CCND3: variants seen among roughly 807,000 people sequenced by gnomAD.
CCND3 encodes the protein cyclin D3.
CCND3 carries 9 observed loss-of-function variants against 28.7 expected under a neutral mutation model. That is an observed-to-expected ratio of 0.31 (90% CI 0.19 to 0.55). The LOEUF is 0.55. CCND3 is among the 20% of genes least tolerant of loss of function. The pLI is 0.93. For missense variants in CCND3, 315 were observed against 385.8 expected, an observed-to-expected ratio of 0.82 and a Z score of 1.54; for synonymous variants, 164 against 163.9, an observed-to-expected ratio of 1.00 and a Z score of 0.00.
chr6:41,958,815 C>A (rs565343565), intron 1 of CCND3, among the ~76,000 whole-genome samples: 1 of 152,270 alleles, frequency 6.6e-6, no homozygotes, highest in Non-Finnish European at 1.5e-5. Flanking sequence ...CGTCTCAGTT[C>A]GGAAACAAGT....
chr6:42,010,717 C>T (rs1763321067), intron 1 of CCND3: 1 of 152,140 alleles, frequency 6.6e-6, no homozygotes, highest in Admixed American at 6.6e-5. Flanking sequence ...GCTCTCAGAG[C>T]CTCGGCAAGG....
intron 1 of CCND3, among the ~76,000 whole-genome samples, chr6:41,974,365 C>T (rs1460716655): frequency 1.3e-5 from 2 of 152,170 alleles, no homozygotes; most frequent in East Asian, 3.9e-4. Flanking sequence ...TGTATAACAT[C>T]AGCATGCATC....
chr6:41,947,001 C>T (rs1024705192), intron 1 of CCND3, among the ~76,000 whole-genome samples: 2 of 151,918 alleles, frequency 1.3e-5, no homozygotes, highest in Non-Finnish European at 1.5e-5. Context: ...GGGCAGATCA[C>T]GAGGTCAGGA....
At chr6:42,034,053 G>A (rs779987116) in intron 1 of CCND3, among the ~76,000 whole-genome samples, 14 of 152,064 alleles carry the variant, frequency 9.2e-5, no homozygotes, top group Non-Finnish European at 1.8e-4. Context: ...AGTTACTGGG[G>A]AGGCTAAGGT....
intron 1 of CCND3, among the ~76,000 whole-genome samples, chr6:41,956,476 G>A (rs1231534872): frequency 6.6e-6 from 1 of 151,996 alleles, no homozygotes; most frequent in Non-Finnish European, 1.5e-5. Flanking sequence ...GATCCTCAAC[G>A]TTCTAAAGGT....
At chr6:42,030,333 G>A (rs1033636124) in intron 1 of CCND3, 4 of 152,324 alleles carry the variant, frequency 2.6e-5, no homozygotes, top group Admixed American at 6.5e-5. Flanking sequence ...AAGTAATATG[G>A]GGTGTTTGGG....
chr6:41,936,400 C>T lies in CCND3; in HGVS notation c.711+159G>A. The T allele has an allele frequency of 1.2e-6, 1 of 867,054 alleles. No individual in the cohort carries two copies. Among genetic ancestry groups the T allele is most frequent in the Non-Finnish European group, 1.8e-6 (1 of 563,476 alleles). The allele number at this position is 867,054 out of a possible 1,614,324, so 53.7% of individuals were successfully genotyped here. A position where few individuals can be genotyped will look rare whatever the true frequency, so the allele number is the denominator to read the frequency against. On this transcript the variant is annotated intron_variant, in intron 4 of 4. Transcript: ENST00000372991. This position sits in a 1 kb window ranked among gnomAD's most constrained non-coding sequence, Gnocchi z 4.4. The stretch of plus-strand genomic sequence containing the variant: ...CACCCCACCCAAGATACTTGCTCTT[C>T]CCCAGACCAAGGCAGGAGATAAAAA...
intron 1 of CCND3, among the ~76,000 whole-genome samples, chr6:41,946,910 C>A (rs1292324578): frequency 6.6e-6 from 1 of 151,604 alleles, no homozygotes; most frequent in Non-Finnish European, 1.5e-5. Flanking sequence ...CATGGCAAAA[C>A]CCCATCTTTA....
chr6:41,964,471 TGTGA>T lies in CCND3; in HGVS notation c.-45-23890_-45-23887del, dbSNP rs1419009067. Reference sequence around the variant, plus strand: ...GTGTGAGTCTGTGTGTGAGTGTGTGTGTGAGTGTGTGTGAATGTGTGTGTGTGAG... The same window carrying T: ...GTGTGAGTCTGTGTGTGAGTGTGTGTGTGTGTGTGAATGTGTGTGTGTGAG... On this transcript the variant is annotated intron_variant, in intron 1 of 4. Transcript: ENST00000372988. Among the ~76,000 whole-genome samples, 112 of 134,186 alleles carry T rather than the reference TGTGA, an allele frequency of 8.3e-4. 1 individual carries two copies. The East Asian group carries it at 0.013, about 16-fold the overall frequency. The allele number at this position is 134,186 out of a possible 152,430, so 88.0% of individuals were successfully genotyped here. A position where few individuals can be genotyped will look rare whatever the true frequency, so the allele number is the denominator to read the frequency against.
rs910095407 is a variant in CCND3 at position 41,935,205 on chromosome 6, A to G, written c.*735T>C. The G allele has an allele frequency of 1.3e-5, 3 of 233,482 alleles. No individual in the cohort carries two copies. The highest frequency in any genetic ancestry group is 2.2e-5 in the African/African-American group (1 of 45,356). The allele number at this position is 233,482 out of a possible 1,614,324, so 14.5% of individuals were successfully genotyped here. On this transcript the variant is annotated 3_prime_UTR_variant, in exon 5 of 5. Transcript: ENST00000372991. ...CCACAAAGATCCTTTTGCCAGTAGC[A>G]GAAGGGAGGAAAACAGCAACCACCA...
Position 41,935,882 on chromosome 6 carries a change from G to A in CCND3, c.*58C>T. Reference sequence around the variant, plus strand: ...GTGGTGTGGTTCCTGGAGGCAGGGAGGTGGGTGGCAGCGGCCCCTCCTCTG... The same window carrying A: ...GTGGTGTGGTTCCTGGAGGCAGGGAAGTGGGTGGCAGCGGCCCCTCCTCTG... On this transcript the variant is annotated 3_prime_UTR_variant, in exon 5 of 5. Transcript: ENST00000372991. The A allele has an allele frequency of 1.3e-6, 2 of 1,495,866 alleles. No homozygotes were observed. Among genetic ancestry groups the A allele is most frequent in the Non-Finnish European group, 1.8e-6 (2 of 1,092,884 alleles). 92.7% of individuals were successfully genotyped at this position (1,495,866 alleles called of 1,614,324 possible). A position where few individuals can be genotyped will look rare whatever the true frequency, so the allele number is the denominator to read the frequency against.
upstream of CCND3, among the ~76,000 whole-genome samples, chr6:41,943,313 A>G (rs1776090802): frequency 6.6e-6 from 1 of 152,210 alleles, no homozygotes. Context: ...TTAATATATC[A>G]ATGTTTATTT....
In CCND3 at chr6:41,938,729, A is replaced by G. The variant is rs1221022649; in HGVS notation, c.415-1335T>C. Among the ~76,000 whole-genome samples the G allele has an allele frequency of 6.6e-6, 1 of 152,156 alleles. No homozygotes were observed. Among genetic ancestry groups the G allele is most frequent in the Non-Finnish European group, 1.5e-5 (1 of 68,020 alleles). On this transcript the variant is annotated intron_variant, in intron 2 of 4. Transcript: ENST00000372991. This position sits in a 1 kb window ranked among gnomAD's most constrained non-coding sequence, Gnocchi z 4.6. ...GCTTCAGTAGGTGGCAGCGGCCATC[A>G]CATTCCTGACTTTTAAGGCAACCTG...
At chr6:41,967,101 G>A in intron 1 of CCND3, among the ~76,000 whole-genome samples, 1 of 152,158 alleles carries the variant, frequency 6.6e-6, no homozygotes, top group East Asian at 1.9e-4. Context: ...ATTCCTCTAG[G>A]AAAAAAACAA....
chr6:42,038,831 C>G (rs1339977207), intron 1 of CCND3, among the ~76,000 whole-genome samples: 4 of 152,174 alleles, frequency 2.6e-5, no homozygotes, highest in Admixed American at 2.0e-4. Flanking sequence ...ATCCATTCTT[C>G]TTTTATCTCC....
At chr6:42,000,942 T>C (rs1046987250) in intron 1 of CCND3, among the ~76,000 whole-genome samples, 6 of 151,576 alleles carry the variant, frequency 4.0e-5, no homozygotes, top group Non-Finnish European at 8.8e-5. Flanking sequence ...TTAAAACTTA[T>C]AGGACATCTA....
chr6:41,998,349 ATTT>A (rs34342484), intron 1 of CCND3, among the ~76,000 whole-genome samples: 5 of 117,248 alleles, frequency 4.3e-5, no homozygotes, highest in Admixed American at 9.0e-5. Flanking sequence ...ACAATATCCA[ATTT>A]TTTTTTTTTT....
intron 1 of CCND3, among the ~76,000 whole-genome samples, chr6:42,005,131 A>T (rs926983432): frequency 6.6e-6 from 1 of 152,244 alleles, no homozygotes; most frequent in African/African-American, 2.4e-5. Flanking sequence ...ACTAATGAGC[A>T]TATATGCTGA....
At chr6:41,964,507 T>A (rs1318834620) in intron 1 of CCND3, among the ~76,000 whole-genome samples, 3 of 151,978 alleles carry the variant, frequency 2.0e-5, no homozygotes, top group East Asian at 1.9e-4. Context: ...TGAGTGTGTG[T>A]GTGTGTGAGT....
Sources: allele counts gnomAD v4.1 joint callset (sites outside exome capture counted in the v4.1 genomes callset), GRCh38; gene constraint gnomAD v4.1.1; non-coding constraint Gnocchi (gnomAD v3.1); transcripts MANE v1.5; gene names NCBI Gene and HGNC (gene_info 2026-07-23, HGNC 2026-07-21).